DACH1: variants seen among roughly 807,000 people sequenced by gnomAD.
DACH1 encodes dachshund homolog 1.
In DACH1, 12 loss-of-function variants were observed where a neutral mutation model predicts 54.2. That is an observed-to-expected ratio of 0.22 (90% CI 0.14 to 0.36). DACH1 has a LOEUF of 0.36. Among genes scored for constraint, DACH1 ranks in the 10% least tolerant of loss-of-function variants. The pLI, the probability that DACH1 is intolerant of heterozygous loss-of-function variation, is 1.00. For synonymous variants in DACH1, 386 were observed against 366.2 expected, an observed-to-expected ratio of 1.05 and a Z score of -0.62; for missense variants, 805 against 929.8, an observed-to-expected ratio of 0.87 and a Z score of 1.75.
At chr13:71,861,842 C>A (rs1272715702) in intron 1 of DACH1, among the ~76,000 whole-genome samples, 1 of 135,056 alleles carries the variant, frequency 7.4e-6, no homozygotes, top group Non-Finnish European at 1.5e-5. Context: ...GAAAACCAGG[C>A]AACAGGGCAA....
chr13:71,490,210 C>T (rs1199828376), intron 6 of DACH1, among the ~76,000 whole-genome samples: 1 of 152,156 alleles, frequency 6.6e-6, no homozygotes, highest in Admixed American at 6.5e-5. Flanking sequence ...AGCACACTTG[C>T]CTTATGCTTA....
intron 6 of DACH1, among the ~76,000 whole-genome samples, chr13:71,542,033 A>C (rs1883164738): frequency 6.7e-6 from 1 of 149,426 alleles, no homozygotes; most frequent in Non-Finnish European, 1.5e-5. Flanking sequence ...AGATCACCTG[A>C]GGTCAGGAGT....
At chr13:71,704,132 C>G (rs1344972156) in intron 1 of DACH1, 1 of 175,592 alleles carries the variant, frequency 5.7e-6, no homozygotes, top group Non-Finnish European at 1.2e-5. Flanking sequence ...CTTCAAAAAT[C>G]AATGCAGTCC....
At chr13:71,490,889 G>A (rs1313164073) in intron 6 of DACH1, among the ~76,000 whole-genome samples, 1 of 152,154 alleles carries the variant, frequency 6.6e-6, no homozygotes, top group Non-Finnish European at 1.5e-5. Flanking sequence ...AATAGATCAT[G>A]GGGATAATAA....
At chr13:71,443,599 A>G (rs1874196899) in intron 10 of DACH1, among the ~76,000 whole-genome samples, 1 of 152,178 alleles carries the variant, frequency 6.6e-6, no homozygotes, top group Non-Finnish European at 1.5e-5. Context: ...ATAACCTAAG[A>G]TTAATCAGTG....
intron 1 of DACH1, among the ~76,000 whole-genome samples, chr13:71,791,739 T>C (rs1055617501): frequency 2.0e-5 from 3 of 152,148 alleles, no homozygotes; most frequent in Non-Finnish European, 4.4e-5. Context: ...CACAGTTAAA[T>C]GGGATTATAA....
At chr13:71,679,737 C>G (rs1184123948) in intron 2 of DACH1, among the ~76,000 whole-genome samples, 1 of 152,018 alleles carries the variant, frequency 6.6e-6, no homozygotes, top group African/African-American at 2.4e-5. Context: ...ATAATCCCAG[C>G]ACTTTGGGAG....
intron 3 of DACH1, among the ~76,000 whole-genome samples, chr13:71,584,437 A>G (rs1223777118): frequency 6.6e-6 from 1 of 152,130 alleles, no homozygotes; most frequent in East Asian, 1.9e-4. Flanking sequence ...TGTGTTATGG[A>G]CATACCAATA....
chr13:71,460,351 T>C (rs534389377), intron 10 of DACH1, among the ~76,000 whole-genome samples: 1 of 152,010 alleles, frequency 6.6e-6, no homozygotes. Flanking sequence ...GTTATCAGTG[T>C]TTTTGGAATT....
At chr13:71,604,863 T>G (rs889050555) in intron 3 of DACH1, among the ~76,000 whole-genome samples, 1 of 151,876 alleles carries the variant, frequency 6.6e-6, no homozygotes, top group Non-Finnish European at 1.5e-5. Flanking sequence ...ATATCAGTAA[T>G]TTAATCAAAA....
intron 2 of DACH1, among the ~76,000 whole-genome samples, chr13:71,678,947 C>A (rs886958260): frequency 3.3e-5 from 5 of 152,128 alleles, no homozygotes; most frequent in African/African-American, 1.2e-4. Context: ...GGCCTGAACC[C>A]CGGGCCCAGC....
chr13:71,618,746 G>A (rs1875975917), intron 3 of DACH1, among the ~76,000 whole-genome samples: 1 of 151,672 alleles, frequency 6.6e-6, no homozygotes, highest in South Asian at 2.1e-4. Flanking sequence ...TATAATTGTT[G>A]ATTTTAAAAA....
At chr13:71,830,129 A>G (rs1000725532) in intron 1 of DACH1, among the ~76,000 whole-genome samples, 9 of 151,932 alleles carry the variant, frequency 5.9e-5, no homozygotes, top group Non-Finnish European at 1.0e-4. Context: ...TTTTACTAAC[A>G]TAAGTAGTAA....
intron 3 of DACH1, among the ~76,000 whole-genome samples, chr13:71,595,769 G>A (rs866024228): frequency 9.2e-5 from 14 of 151,954 alleles, no homozygotes; most frequent in South Asian, 8.3e-4. Flanking sequence ...TATCCTCTCT[G>A]CCCACTCCTT....
chr13:71,820,969 A>T (rs963871237), intron 1 of DACH1, among the ~76,000 whole-genome samples: 13 of 152,308 alleles, frequency 8.5e-5, no homozygotes, highest in Admixed American at 3.3e-4. Flanking sequence ...ACCTATCTAA[A>T]TAGCAGAGCT....
At chr13:71,474,153 C>CA (rs66539758) in intron 10 of DACH1, among the ~76,000 whole-genome samples, 2 of 151,924 alleles carry the variant, frequency 1.3e-5, no homozygotes, top group Admixed American at 6.6e-5. Context: ...TAAATATAGG[C>CA]AAAAAAAAAT....
chr13:71,738,465 C>T (rs1884234436), intron 1 of DACH1, among the ~76,000 whole-genome samples: 1 of 151,968 alleles, frequency 6.6e-6, no homozygotes, highest in African/African-American at 2.4e-5. Context: ...CGTGAGGTGG[C>T]TCAAGCCTAT....
chr13:71,509,052 T>A (rs554994243), intron 6 of DACH1, among the ~76,000 whole-genome samples: 5 of 152,310 alleles, frequency 3.3e-5, no homozygotes, highest in African/African-American at 1.2e-4. Context: ...TACACCAGGG[T>A]GTATAAATGT....
intron 6 of DACH1, among the ~76,000 whole-genome samples, chr13:71,504,947 A>AT (rs1476966726): frequency 2.0e-5 from 3 of 152,226 alleles, no homozygotes; most frequent in African/African-American, 7.2e-5. Context: ...GAATCAATAC[A>AT]TTATTTAAAA....
Sources: gnomAD v4.1 joint callset for allele counts (sites outside exome capture counted in the v4.1 genomes callset) on GRCh38, gnomAD v4.1.1 for gene constraint, MANE v1.5 for transcripts, NCBI Gene and HGNC (gene_info 2026-07-23, HGNC 2026-07-21) for gene names.